ZNF560: variants seen among roughly 807,000 people sequenced by gnomAD.
The protein encoded by ZNF560 is zinc finger protein 560.
In ZNF560, 54 loss-of-function variants were observed where a neutral mutation model predicts 81.8. The observed-to-expected ratio is 0.66, with a 90% CI of 0.53 to 0.83. The LOEUF (loss-of-function observed/expected upper bound fraction) is 0.83. Ranked by LOEUF, ZNF560 falls within the 40% of genes least tolerant of loss-of-function variation. ZNF560 has a pLI of 0.00. For synonymous variants in ZNF560, 321 were observed against 317.9 expected, an observed-to-expected ratio of 1.01 and a Z score of -0.10; for missense variants, 940 against 932.4, an observed-to-expected ratio of 1.01 and a Z score of -0.11.
chr19:9,466,432 C>G lies in ZNF560; in HGVS notation c.*142G>C. On this transcript the variant is annotated 3_prime_UTR_variant, in exon 10 of 10. Transcript: ENST00000301480. Reference sequence around the variant, plus strand: ...CTCTACAGTGTGAGTTTGTACATATCTAGAAAGATTCAACTGTTCAGGCTT... The same window carrying G: ...CTCTACAGTGTGAGTTTGTACATATGTAGAAAGATTCAACTGTTCAGGCTT... The G allele has an allele frequency of 1.4e-6, 1 of 721,886 alleles. No homozygotes were observed. The highest frequency in any genetic ancestry group is 3.0e-5 in the Admixed American group (1 of 33,654). The allele number at this position is 721,886 out of a possible 1,614,324, so 44.7% of individuals were successfully genotyped here. A position where few individuals can be genotyped will look rare whatever the true frequency, so the allele number is the denominator to read the frequency against.
chr19:9,503,502 CAG>C (rs1397710046), upstream of ZNF560, among the ~76,000 whole-genome samples: 5 of 152,114 alleles, frequency 3.3e-5, no homozygotes, highest in African/African-American at 9.7e-5. Flanking sequence ...AAAGGAAAGG[CAG>C]CTATCTGGGC....
At chr19:9,458,151 AATT>A in the ZNF560 span, among the ~76,000 whole-genome samples, 2 of 152,190 alleles carry the variant, frequency 1.3e-5, no homozygotes, top group African/African-American at 4.8e-5. Context: ...ATCCTGGAAA[AATT>A]ATTATCCCTC....
intron 2 of ZNF560, among the ~76,000 whole-genome samples, chr19:9,488,240 G>C (rs2073416890): frequency 6.6e-6 from 1 of 152,148 alleles, no homozygotes; most frequent in African/African-American, 2.4e-5. Flanking sequence ...CAACACGTGA[G>C]CCTCATCAGA....
At chr19:9,494,043 A>G (rs932828604) in intron 2 of ZNF560, among the ~76,000 whole-genome samples, 1 of 151,532 alleles carries the variant, frequency 6.6e-6, no homozygotes, top group Admixed American at 6.6e-5. Context: ...GAGGCAGGAG[A>G]ATCACTTGAA....
In ZNF560 at chr19:9,468,120, A is replaced by C; in HGVS notation, c.827T>G (p.Leu276Arg). 6.2e-7 allele frequency: 1 copy of C among 1,614,054 alleles called. No individual in the cohort carries two copies. Among genetic ancestry groups the C allele is most frequent in the Non-Finnish European group, 8.5e-7 (1 of 1,179,990 alleles). Residue 276 changes from leucine to arginine, a missense_variant, in exon 10 of 10, where the codon CTG becomes CGG. Leu to Arg is a moderately radical substitution (Grantham distance 102). Transcript: ENST00000301480. ...TCTCTGGACCTGAACATTTAAAATC[A>C]GGCGGAAAGATTTTCCATGCTTACT... Reference protein sequence around the residue: ...VFSKHGKSFRLILNVQVQRKC... With the variant: ...VFSKHGKSFRRILNVQVQRKC...
At chr19:9,505,062 C>G in the ZNF560 span, among the ~76,000 whole-genome samples, 1 of 151,894 alleles carries the variant, frequency 6.6e-6, no homozygotes, top group African/African-American at 2.4e-5. Context: ...TCCAGCCAGG[C>G]GACATAGTGA....
chr19:9,462,390 C>A (rs1285111492), downstream of ZNF560, among the ~76,000 whole-genome samples: 3 of 152,176 alleles, frequency 2.0e-5, no homozygotes, highest in Non-Finnish European at 1.5e-5. Flanking sequence ...CCTTTGTTCT[C>A]CTTAAAGAAT....
intron 2 of ZNF560, among the ~76,000 whole-genome samples, chr19:9,478,613 A>T (rs2073238633): frequency 6.6e-6 from 1 of 152,192 alleles, no homozygotes; most frequent in African/African-American, 2.4e-5. Flanking sequence ...TACAATATAA[A>T]AATATGTAAA....
chr19:9,483,660 G>T lies in ZNF560; in HGVS notation c.-56-8291C>A, dbSNP rs540598925. 3.4e-5 allele frequency among the ~76,000 whole-genome samples: 5 copies of T among 145,620 alleles called. No homozygotes were observed. The East Asian group carries it at 1.1e-3, about 32-fold the overall frequency. On this transcript the variant is annotated intron_variant, in intron 2 of 9. Coordinates refer to ENST00000301480, the MANE Select transcript of ZNF560 (RefSeq NM_152476.3). ...CAGCCCCCCGCCGGCCAGCCGCCCC[G>T]TCAGGGAGGGAGGTGGGGGGCGCCT...
intron 2 of ZNF560, among the ~76,000 whole-genome samples, chr19:9,477,919 G>C (rs2073227927): frequency 2.6e-5 from 4 of 152,106 alleles, no homozygotes; most frequent in Non-Finnish European, 5.9e-5. Flanking sequence ...ATCATCAAAA[G>C]AGCAAATTTT....
At chr19:9,471,912 C>A (rs1011113436) in intron 5 of ZNF560, among the ~76,000 whole-genome samples, 2 of 152,072 alleles carry the variant, frequency 1.3e-5, no homozygotes, top group Non-Finnish European at 1.5e-5. Context: ...AGATGAAGAC[C>A]ATCCTGGCTA....
chr19:9,493,949 A>G (rs529376346), intron 2 of ZNF560, among the ~76,000 whole-genome samples: 84 of 151,892 alleles, frequency 5.5e-4, no homozygotes, highest in Non-Finnish European at 1.1e-3. Flanking sequence ...CCTGGCCAAC[A>G]TGGTGAAACA....
At chr19:9,497,726 GA>G (rs1191719433) in intron 2 of ZNF560, among the ~76,000 whole-genome samples, 2 of 151,554 alleles carry the variant, frequency 1.3e-5, no homozygotes, top group South Asian at 2.1e-4. Flanking sequence ...AAGTTTTTTC[GA>G]AAAAAAATGC....
Position 9,478,806 on chromosome 19 carries a change from TAGAGA to T in ZNF560, c.-56-3442_-56-3438del, listed in dbSNP as rs2073241491. Among the ~76,000 whole-genome samples, 3 of 151,538 alleles carry T rather than the reference TAGAGA, an allele frequency of 2.0e-5. No homozygotes were observed. In the South Asian group the frequency reaches 6.3e-4, roughly 32 times the overall value. On this transcript the variant is annotated intron_variant, in intron 2 of 9. Transcript: ENST00000301480. ...AAAAAGTAAAGAATCAAAAGTACAC[TAGAGA>T]AAATTATTAATCACAAAAATAGACA...
chr19:9,476,303 T>C lies in ZNF560; in HGVS notation c.-56-934A>G, dbSNP rs559457039. Among the ~76,000 whole-genome samples, 6 of 152,172 alleles carry C rather than the reference T, an allele frequency of 3.9e-5. No individual in the cohort carries two copies. In the South Asian group the frequency reaches 6.2e-4, roughly 16 times the overall value. On this transcript the variant is annotated intron_variant, in intron 2 of 9. Transcript: ENST00000301480. ...ATGGTGGGTTTTTTTTTGTTTGTTT[T>C]TGTTTTTGAAACAGAGTCTTGCTCT...
At chr19:9,486,796 A>C (rs1007134214) in intron 2 of ZNF560, among the ~76,000 whole-genome samples, 3 of 152,116 alleles carry the variant, frequency 2.0e-5, no homozygotes, top group African/African-American at 7.2e-5. Flanking sequence ...TTAAAGACTA[A>C]CTTCCTTCAA....
chr19:9,496,742 C>A (rs1003369221), intron 2 of ZNF560, among the ~76,000 whole-genome samples: 2 of 151,562 alleles, frequency 1.3e-5, no homozygotes, highest in Admixed American at 6.6e-5. Flanking sequence ...TCAAGACCAT[C>A]CTGGCCAACA....
rs2073084596 is a variant in ZNF560, at chr19:9,469,212, A to G, written c.530-25T>C. Reference sequence around the variant, plus strand: ...TCTGAAATAAAAGAGAAAAATATACATGAGAGTTTACACATGAAATGGTAG... The same window carrying G: ...TCTGAAATAAAAGAGAAAAATATACGTGAGAGTTTACACATGAAATGGTAG... On this transcript the variant is annotated intron_variant, in intron 8 of 9. Transcript: ENST00000301480. 6.6e-6 allele frequency: 10 copies of G among 1,508,846 alleles called. No homozygotes were observed. In the East Asian group the frequency reaches 9.2e-5, roughly 14 times the overall value. 93.5% of individuals were successfully genotyped at this position (1,508,846 alleles called of 1,614,324 possible).
chr19:9,496,167 C>T (rs1438096474), intron 2 of ZNF560, among the ~76,000 whole-genome samples: 1 of 152,006 alleles, frequency 6.6e-6, no homozygotes, highest in Admixed American at 6.6e-5. Flanking sequence ...TTAGTAGGAA[C>T]GTTGCCGGGG....
Sources: allele counts gnomAD v4.1 joint callset (sites outside exome capture counted in the v4.1 genomes callset), GRCh38; gene constraint gnomAD v4.1.1; transcripts MANE v1.5; gene names NCBI Gene and HGNC (gene_info 2026-07-23, HGNC 2026-07-21).